The following FLOT1 variants were observed in gnomAD, a reference collection of about 807,000 sequenced individuals.
FLOT1 encodes the protein flotillin 1.
A neutral mutation model predicts 58.4 loss-of-function variants in FLOT1; 40 were observed. The ratio of observed to expected loss-of-function variants is 0.69; its 90% CI spans 0.53 to 0.89. The LOEUF (loss-of-function observed/expected upper bound fraction) is 0.89. Among genes scored for constraint, FLOT1 ranks in the 40% least tolerant of loss-of-function variants. FLOT1 has a pLI of 0.00. For synonymous variants in FLOT1, 178 were observed against 204.2 expected (o/e 0.87, Z 1.09); for missense variants, 423 against 540.8 (o/e 0.78, Z 2.16).
Position 30,740,706 on chromosome 6 carries a change from G to A in FLOT1, c.447C>T (p.Tyr149=). The A allele has an allele frequency of 1.2e-6, 2 of 1,613,062 alleles. No individual in the cohort carries two copies. Among genetic ancestry groups the A allele is most frequent in the Non-Finnish European group, 1.7e-6 (2 of 1,180,040 alleles). The change falls in exon 6 of 13, where the codon TAC becomes TAT. Residue 149 remains tyrosine, a synonymous_variant. Transcript: ENST00000376389. The part of the protein sequence containing the change: ...LVNMGISVVS[Y]TLKDIHDDQD... ...GGTCATCGTGAATGTCCTTCAGAGTGTAGCTAACCACACTGATGCCCATGT... is the reference window on the plus strand; with the variant it reads ...GGTCATCGTGAATGTCCTTCAGAGTATAGCTAACCACACTGATGCCCATGT...
chr6:30,730,755 G>C, intron 9 of FLOT1, 28 bp from the exon 10 acceptor site: 1 of 1,612,782 alleles, frequency 6.2e-7, no homozygotes, highest in South Asian at 1.1e-5. Context: ...GTGGAGGGTG[G>C]AGCCCAGCAG....
rs148562283 is a variant in FLOT1 at position 30,730,319 on chromosome 6, C to T, written c.1089+109G>A. On this transcript the variant is annotated intron_variant, in intron 11 of 12. Transcript: ENST00000376389. ...CTTTGGTCACTAATAATTCCCACCCCTAATTTAGAGTCCCCCTAGGCTGTT... is the reference window on the plus strand; with the variant it reads ...CTTTGGTCACTAATAATTCCCACCCTTAATTTAGAGTCCCCCTAGGCTGTT... 5.4e-6 allele frequency: 8 copies of T among 1,495,262 alleles called. No individual in the cohort carries two copies. In the East Asian group the frequency reaches 1.8e-4, roughly 34 times the overall value. The allele number at this position is 1,495,262 out of a possible 1,614,324, so 92.6% of individuals were successfully genotyped here.
chr6:30,739,965 C>T (rs1777848561), intron 8 of FLOT1, among the ~76,000 whole-genome samples, 193 bp downstream of exon 8: 1 of 152,234 alleles, frequency 6.6e-6, no homozygotes, highest in Non-Finnish European at 1.5e-5. Context: ...CCCGGCTGGC[C>T]TTTTCTTTAA....
At chr6:30,732,886 C>T (rs1777298521) in intron 8 of FLOT1, among the ~76,000 whole-genome samples, 1 of 152,154 alleles carries the variant, frequency 6.6e-6, no homozygotes, top group Non-Finnish European at 1.5e-5. Flanking sequence ...GCAGGATCAC[C>T]TCTCTCCTGT....
At position 30,731,128 on chromosome 6, in the gene FLOT1, C is replaced by T. The variant is rs780078004; in HGVS notation, c.724-28G>A. On this transcript the variant is annotated intron_variant, in intron 8 of 12. Transcript: ENST00000376389. ...GGGTAGGAGGGTGAAGTCAGGTTCA[C>T]GCTCTGAGTCAGAGGTGAAGAGCAA... 2.2e-5 allele frequency: 34 copies of T among 1,571,874 alleles called. 1 individual carries two copies. Among genetic ancestry groups the T allele is most frequent in the Admixed American group, 1.0e-4 (6 of 57,696 alleles).
In FLOT1 at chr6:30,742,220, G is replaced by A; in HGVS notation, c.-14-17C>T. The A allele has an allele frequency of 6.2e-7, 1 of 1,611,330 alleles. No homozygotes were observed. Among genetic ancestry groups the A allele is most frequent in the South Asian group, 1.1e-5 (1 of 91,060 alleles). On this transcript the variant is annotated splice_polypyrimidine_tract_variant and intron_variant, in intron 1 of 12. Coordinates refer to ENST00000376389, the MANE Select transcript of FLOT1 (RefSeq NM_005803.4). The surrounding 1 kb of genome is among the most constrained non-coding windows in gnomAD (Gnocchi z 5.2). ...AGGCTGGAGCTGGAGGAGAGGGAGG[G>A]AAAGCCTTTGCGGATGGGGAAGGCG...
intron 12 of FLOT1, among the ~76,000 whole-genome samples, chr6:30,729,025 G>T (rs930757323): frequency 6.6e-6 from 1 of 151,374 alleles, no homozygotes; most frequent in Non-Finnish European, 1.5e-5. Flanking sequence ...TGATCCGCCC[G>T]CCTCAGCCTC....
chr6:30,735,611 G>T (rs1164030592), intron 8 of FLOT1, among the ~76,000 whole-genome samples: 6 of 151,874 alleles, frequency 4.0e-5, no homozygotes, highest in Non-Finnish European at 7.4e-5. Flanking sequence ...ACTCCAGCCT[G>T]GACAACAGAG....
chr6:30,732,801 G>A (rs988887836), intron 8 of FLOT1, among the ~76,000 whole-genome samples: 3 of 152,114 alleles, frequency 2.0e-5, no homozygotes, highest in Non-Finnish European at 2.9e-5. Context: ...CTCTGGAGAC[G>A]GCACTCTGTA....
At chr6:30,733,053 G>C (rs1190765214) in intron 8 of FLOT1, among the ~76,000 whole-genome samples, 1 of 151,552 alleles carries the variant, frequency 6.6e-6, no homozygotes, top group Non-Finnish European at 1.5e-5. Context: ...ACCTTTTTTT[G>C]AGATGGAATT....
At chr6:30,740,617 C>G (rs1294899464) in intron 6 of FLOT1, 26 bp from the exon 7 acceptor site, 12 of 1,612,820 alleles carry the variant, frequency 7.4e-6, no homozygotes, top group Non-Finnish European at 1.0e-5. Context: ...AGAAATTAGT[C>G]CTTTGGAGGG....
At chr6:30,730,849 G>C (rs1186097316) in intron 9 of FLOT1, 70 bp downstream of exon 9, 4 of 1,596,358 alleles carry the variant, frequency 2.5e-6, no homozygotes, top group Admixed American at 3.4e-5. Context: ...GGTGGTGAAG[G>C]CTTCAGCACT....
chr6:30,735,727 A>C (rs535250681), intron 8 of FLOT1, among the ~76,000 whole-genome samples: 1 of 152,312 alleles, frequency 6.6e-6, no homozygotes, highest in South Asian at 2.1e-4. Flanking sequence ...AGAGGCAGTG[A>C]GGGGCTCTGA....
At chr6:30,736,646 T>C (rs1215420391) in intron 8 of FLOT1, among the ~76,000 whole-genome samples, 2 of 150,682 alleles carry the variant, frequency 1.3e-5, no homozygotes, top group Non-Finnish European at 3.0e-5. Context: ...CAGGCTGGAG[T>C]GCAGTGGCGC....
Position 30,741,472 on chromosome 6 carries a change from G to T in FLOT1, c.211-139C>A. The T allele has an allele frequency of 7.6e-7, 1 of 1,318,664 alleles. No individual in the cohort carries two copies. Among genetic ancestry groups the T allele is most frequent in the South Asian group, 1.3e-5 (1 of 79,900 alleles). The allele number at this position is 1,318,664 out of a possible 1,614,324, so 81.7% of individuals were successfully genotyped here. A position where few individuals can be genotyped will look rare whatever the true frequency, so the allele number is the denominator to read the frequency against. On this transcript the variant is annotated intron_variant, in intron 4 of 12. Coordinates refer to ENST00000376389, the MANE Select transcript of FLOT1 (RefSeq NM_005803.4). This position sits in a 1 kb window ranked among gnomAD's most constrained non-coding sequence, Gnocchi z 5.9. The stretch of plus-strand genomic sequence containing the variant: ...AAAGGAGGAGGAGGCAAGTGCCTTG[G>T]GGTGCCTGGAAAAGATGAGACTAGC...
At position 30,730,408 on chromosome 6, in the gene FLOT1, T is replaced by G. The variant is rs9968913; in HGVS notation, c.1089+20A>C. 0.044 allele frequency: 67,822 copies of G among 1,544,826 alleles called. 2,524 individuals carry two copies. Among genetic ancestry groups the G allele is most frequent in the African/African-American group, 0.16 (11,457 of 72,636 alleles). ...CTGGTTCTATTTCCTCCTTTCTTGG[T>G]GCCCACATGACCTCCAGACCTGGGG... On this transcript the variant is annotated intron_variant, in intron 11 of 12. Transcript: ENST00000376389.
rs774019896 is a variant in FLOT1 at position 30,730,135 on chromosome 6, C to A, written c.1141G>T (p.Val381Leu). The change falls in exon 12 of 13, where the codon GTG (valine) becomes TTG (leucine). Residue 381 changes from valine to leucine, a missense_variant. This residue lies in a region of FLOT1 where 42 missense variants were observed against 74.4 expected (regional missense o/e 0.56). Transcript: ENST00000376389. ...CCCATGGTCCCACTGCCGCTGGACACCAGTGTGATCTTATTGGCTGAAGTC... is the reference window on the plus strand; with the variant it reads ...CCCATGGTCCCACTGCCGCTGGACAACAGTGTGATCTTATTGGCTGAAGTC... The part of the protein sequence containing the change: ...PLTSANKITL[V>L]SSGSGTMGAA... The A allele has an allele frequency of 6.2e-7, 1 of 1,613,018 alleles. No individual in the cohort carries two copies. The highest frequency in any genetic ancestry group is 8.5e-7 in the Non-Finnish European group (1 of 1,179,976).
intron 8 of FLOT1, among the ~76,000 whole-genome samples, chr6:30,738,693 C>T (rs372887965): frequency 2.0e-4 from 30 of 152,266 alleles, no homozygotes; most frequent in African/African-American, 6.5e-4. Flanking sequence ...TATGCATGAA[C>T]GAAGCTTACC....
intron 8 of FLOT1, among the ~76,000 whole-genome samples, chr6:30,732,248 C>T (rs1201149053): frequency 1.3e-5 from 2 of 152,168 alleles, no homozygotes; most frequent in African/African-American, 2.4e-5. Context: ...GGATTACAGG[C>T]ATGAGCCATC....
Sources: allele counts gnomAD v4.1 joint callset (sites outside exome capture counted in the v4.1 genomes callset), GRCh38; gene constraint gnomAD v4.1.1; regional missense constraint gnomAD v4.1.1; non-coding constraint Gnocchi (gnomAD v3.1); transcripts MANE v1.5; gene names NCBI Gene and HGNC (gene_info 2026-07-23, HGNC 2026-07-21).